UNC13B: variants seen among roughly 807,000 people sequenced by gnomAD.
UNC13B encodes the protein protein unc-13 homolog B.
UNC13B carries 144 observed loss-of-function variants against 211.0 expected under a neutral mutation model. That is an observed-to-expected ratio of 0.68 (90% CI 0.60 to 0.78). The LOEUF (loss-of-function observed/expected upper bound fraction) is 0.78. UNC13B is among the 30% of genes least tolerant of loss of function. The pLI is 0.00. For missense variants in UNC13B, 1,777 were observed against 2,002.0 expected, an observed-to-expected ratio of 0.89 and a Z score of 2.14; for synonymous variants, 709 against 725.8, an observed-to-expected ratio of 0.98 and a Z score of 0.37.
chr9:35,241,557 G>GCGCACACACA (rs914003537), intron 5 of UNC13B, among the ~76,000 whole-genome samples: 2 of 144,948 alleles, frequency 1.4e-5, no homozygotes, highest in African/African-American at 5.1e-5. Context: ...CTGAATATAA[G>GCGCACACACA]CACACACACA....
chr9:35,347,638 G>T (rs1346598286), intron 11 of UNC13B, among the ~76,000 whole-genome samples: 43 of 152,160 alleles, frequency 2.8e-4, no homozygotes, highest in Admixed American at 2.8e-3. Flanking sequence ...TGAGTTCAAA[G>T]TTCATCCCAG....
chr9:35,230,739 A>G (rs1233177107), intron 2 of UNC13B, among the ~76,000 whole-genome samples: 2 of 152,162 alleles, frequency 1.3e-5, no homozygotes, highest in African/African-American at 2.4e-5. Flanking sequence ...CAAGTGGGCT[A>G]TATAATTAAC....
rs767242483 is a variant in UNC13B, at chr9:35,398,929, T to C, written c.11969T>C (p.Leu3990Pro). The change falls in exon 33 of 40, where the codon CTG (leucine) becomes CCG (proline). Residue 3990 changes from leucine to proline, a missense_variant. Transcript: ENST00000635942. The stretch of plus-strand genomic sequence containing the variant: ...TGTGTTCGACAAATGGCCGACATCC[T>C]GGGCCAGGTTCGGGGCACAGGGAAT... ...DECVRQMADI[L>P]GQVRGTGNAS... is the part of the protein sequence containing the mutation. 1.2e-6 allele frequency: 2 copies of C among 1,614,052 alleles called. No homozygotes were observed. The highest frequency in any genetic ancestry group is 2.7e-5 in the African/African-American group (2 of 74,904).
intron 14 of UNC13B, 122 bp downstream of exon 14, chr9:35,375,323 G>A (rs1834329175): frequency 9.7e-7 from 1 of 1,030,034 alleles, no homozygotes; most frequent in Admixed American, 1.9e-5. Flanking sequence ...CATTGCTGAT[G>A]AAAAAGATAG....
intron 24 of UNC13B, 83 bp from the exon 25 acceptor site, chr9:35,389,763 A>C: frequency 1.4e-6 from 2 of 1,477,898 alleles, no homozygotes; most frequent in Non-Finnish European, 1.9e-6. Context: ...AGGAAGGGGA[A>C]GAGAAAGAGG....
At chr9:35,197,611 A>G (rs538147122) in intron 1 of UNC13B, among the ~76,000 whole-genome samples, 7 of 152,218 alleles carry the variant, frequency 4.6e-5, no homozygotes, top group Non-Finnish European at 1.0e-4. Context: ...CTCAAATCTC[A>G]TGTCGAATTG....
intron 7 of UNC13B, among the ~76,000 whole-genome samples, chr9:35,282,879 T>A (rs1828584831): frequency 6.6e-6 from 1 of 152,214 alleles, no homozygotes. Flanking sequence ...CCGATTTTGC[T>A]CAAAACATTC....
rs1221200828 is a variant in UNC13B, at chr9:35,384,558, C to A, written c.10875+244C>A. 6 of 985,358 alleles carry A rather than the reference C, an allele frequency of 6.1e-6. No individual in the cohort carries two copies. In the African/African-American group the frequency reaches 1.0e-4, roughly 17 times the overall value. The allele number at this position is 985,358 out of a possible 1,614,324, so 61.0% of individuals were successfully genotyped here. A position where few individuals can be genotyped will look rare whatever the true frequency, so the allele number is the denominator to read the frequency against. ...GTTGTCTTTCCAACCTCATTCTTAACACTCTACTAAACTCTCTGGTGACAT... is the reference window on the plus strand; with the variant it reads ...GTTGTCTTTCCAACCTCATTCTTAAAACTCTACTAAACTCTCTGGTGACAT... On this transcript the variant is annotated intron_variant, in intron 22 of 39. Transcript: ENST00000635942.
Position 35,380,608 on chromosome 9 carries a change from A to G in UNC13B, c.10344A>G (p.Leu3448=), listed in dbSNP as rs952773051. ...AAACCATCATTGAGGTTCGGACCCT[A>G]AGTGGCGAGATGGACGTCTGGTACA... ...LGQTIIEVRT[L]SGEMDVWYNL... The change falls in exon 18 of 40, where the codon CTA becomes CTG. Residue 3448 remains leucine (L), a synonymous_variant. Coordinates refer to ENST00000635942, the MANE Select transcript of UNC13B (RefSeq NM_001371189.2). The G allele has an allele frequency of 2.5e-6, 4 of 1,614,060 alleles. No homozygotes were observed. The highest frequency in any genetic ancestry group is 2.5e-6 in the Non-Finnish European group (3 of 1,180,034).
Position 35,309,677 on chromosome 9 carries a change from G to A in UNC13B, c.9009-790G>A, listed in dbSNP as rs1830091210. On this transcript the variant is annotated intron_variant, in intron 9 of 39. Transcript: ENST00000635942. Reference sequence around the variant, plus strand: ...TGATTGAGAAAAGATTGGCTTGCTGGTCTTCAGATATAGAGATGCATGAAT... The same window carrying A: ...TGATTGAGAAAAGATTGGCTTGCTGATCTTCAGATATAGAGATGCATGAAT... Among the ~76,000 whole-genome samples the A allele has an allele frequency of 2.0e-5, 3 of 152,166 alleles. No homozygotes were observed. The South Asian group carries it at 6.2e-4, about 31-fold the overall frequency.
chr9:35,338,592 C>T (rs1265489327), intron 11 of UNC13B, among the ~76,000 whole-genome samples: 2 of 152,174 alleles, frequency 1.3e-5, no homozygotes, highest in Non-Finnish European at 2.9e-5. Context: ...AATCATCTTC[C>T]TCATGAAATA....
At chr9:35,288,748 C>G (rs1472924390) in intron 7 of UNC13B, among the ~76,000 whole-genome samples, 3 of 152,138 alleles carry the variant, frequency 2.0e-5, no homozygotes, top group African/African-American at 7.2e-5. Context: ...TTTATTAGTA[C>G]AGTAGATATT....
At chr9:35,298,335 T>G (rs1391438911) in intron 8 of UNC13B, among the ~76,000 whole-genome samples, 1 of 152,156 alleles carries the variant, frequency 6.6e-6, no homozygotes, top group Non-Finnish European at 1.5e-5. Context: ...TGGGAGAGAT[T>G]GCTTGAGTCT....
intron 6 of UNC13B, among the ~76,000 whole-genome samples, chr9:35,255,590 G>A (rs1481971278): frequency 6.6e-6 from 1 of 152,124 alleles, no homozygotes; most frequent in Admixed American, 6.6e-5. Context: ...GGTCGGAGAT[G>A]GAATCATAGC....
At chr9:35,190,831 G>T (rs1197119065) in intron 1 of UNC13B, among the ~76,000 whole-genome samples, 2 of 152,088 alleles carry the variant, frequency 1.3e-5, no homozygotes, top group Non-Finnish European at 2.9e-5. Context: ...TAAATCCCTT[G>T]TTACTAAACT....
chr9:35,263,366 T>C (rs2131643609), intron 7 of UNC13B, among the ~76,000 whole-genome samples: 1 of 151,872 alleles, frequency 6.6e-6, no homozygotes, highest in African/African-American at 2.4e-5. Context: ...AGTATTACAG[T>C]TATCCCTCAG....
intron 7 of UNC13B, among the ~76,000 whole-genome samples, chr9:35,268,051 A>G (rs1346730778): frequency 6.6e-6 from 1 of 152,136 alleles, no homozygotes; most frequent in Non-Finnish European, 1.5e-5. Context: ...AGAAAAGTAC[A>G]CAGTTCACAT....
intron 24 of UNC13B, among the ~76,000 whole-genome samples, chr9:35,389,093 G>T (rs1348996456): frequency 6.6e-6 from 1 of 152,176 alleles, no homozygotes; most frequent in Non-Finnish European, 1.5e-5. Context: ...CTGTCCTTCT[G>T]GGCAGCTCCA....
intron 15 of UNC13B, among the ~76,000 whole-genome samples, chr9:35,376,771 C>A (rs1225614245): frequency 6.6e-6 from 1 of 152,156 alleles, no homozygotes; most frequent in Non-Finnish European, 1.5e-5. Flanking sequence ...GTATACCAGA[C>A]CCCCAGGGCC....
Sources: allele counts gnomAD v4.1 joint callset (sites outside exome capture counted in the v4.1 genomes callset), GRCh38; gene constraint gnomAD v4.1.1; transcripts MANE v1.5; gene names NCBI Gene and HGNC (gene_info 2026-07-23, HGNC 2026-07-21).